The following CNTNAP4 variants were observed in gnomAD, a reference collection of about 807,000 sequenced individuals.
CNTNAP4 encodes contactin associated protein family member 4.
In CNTNAP4, 98 loss-of-function variants were observed where a neutral mutation model predicts 148.4. The observed-to-expected ratio is 0.66, with a 90% confidence interval of 0.56 to 0.78. The LOEUF is 0.78. Among genes scored for constraint, CNTNAP4 ranks in the 30% least tolerant of loss-of-function variants. The pLI is 0.00. For missense variants in CNTNAP4, 1,935 were observed against 1,565.6 expected (o/e 1.24, Z -3.98); for synonymous variants, 730 against 565.1 (o/e 1.29, Z -4.14).
intron 3 of CNTNAP4, among the ~76,000 whole-genome samples, chr16:76,367,762 C>T (rs1026199199): frequency 2.0e-5 from 3 of 152,158 alleles, no homozygotes; most frequent in African/African-American, 4.8e-5. Context: ...GAATAACTGT[C>T]ACTGGCTTAG....
chr16:76,300,474 C>T (rs1447633742), intron 1 of CNTNAP4, among the ~76,000 whole-genome samples: 2 of 152,012 alleles, frequency 1.3e-5, no homozygotes, highest in East Asian at 1.9e-4. Context: ...GGTGCACAAA[C>T]CACCATGGCA....
At chr16:76,452,411 T>A in intron 7 of CNTNAP4, 97 bp from the exon 8 acceptor site, 2 of 1,231,316 alleles carry the variant, frequency 1.6e-6, no homozygotes, top group East Asian at 4.7e-5. Context: ...TTGTTTTAAA[T>A]CGCGGATAAT....
intron 1 of CNTNAP4, among the ~76,000 whole-genome samples, chr16:76,280,457 C>T (rs575528763): frequency 7.9e-5 from 12 of 152,064 alleles, no homozygotes; most frequent in South Asian, 4.2e-4. Context: ...TTTGTATATA[C>T]GTATATGTGT....
chr16:76,424,285 A>G (rs2079298499), intron 3 of CNTNAP4, among the ~76,000 whole-genome samples: 1 of 152,094 alleles, frequency 6.6e-6, no homozygotes, highest in African/African-American at 2.4e-5. Flanking sequence ...AACAAATGTG[A>G]GATCTTTTGG....
At chr16:76,418,053 G>A (rs1413998281) in intron 3 of CNTNAP4, among the ~76,000 whole-genome samples, 1 of 151,120 alleles carries the variant, frequency 6.6e-6, no homozygotes, top group Non-Finnish European at 1.5e-5. Flanking sequence ...TTGGTTTACT[G>A]TAATTTGCAT....
chr16:76,313,319 C>T (rs982529654), intron 1 of CNTNAP4, among the ~76,000 whole-genome samples: 1 of 152,174 alleles, frequency 6.6e-6, no homozygotes, highest in African/African-American at 2.4e-5. Flanking sequence ...CTTTTCACCA[C>T]ACTTACACCT....
At chr16:76,378,912 T>A (rs542669487) in intron 3 of CNTNAP4, among the ~76,000 whole-genome samples, 25 of 152,238 alleles carry the variant, frequency 1.6e-4, no homozygotes, top group Non-Finnish European at 2.6e-4. Flanking sequence ...TGAAGAAACT[T>A]TATGTATCAG....
chr16:76,336,154 C>T (rs1274863469), intron 2 of CNTNAP4, among the ~76,000 whole-genome samples: 3 of 151,920 alleles, frequency 2.0e-5, no homozygotes, highest in Non-Finnish European at 4.4e-5. Context: ...TGATTTTCTA[C>T]ATGAGAAAGA....
At chr16:76,467,605 TC>T in intron 10 of CNTNAP4, 82 bp downstream of exon 10, 1 of 1,129,758 alleles carries the variant, frequency 8.9e-7, no homozygotes, top group South Asian at 1.6e-5. Context: ...GAACAATTAT[TC>T]TTTCCTCTTC....
intron 8 of CNTNAP4, among the ~76,000 whole-genome samples, chr16:76,461,377 A>G (rs943247961): frequency 5.9e-5 from 9 of 152,196 alleles, no homozygotes; most frequent in African/African-American, 2.2e-4. Context: ...TTTGAGAGTT[A>G]CAAGTAAGTT....
intron 17 of CNTNAP4, among the ~76,000 whole-genome samples, chr16:76,534,543 T>G (rs2084131971): frequency 1.3e-5 from 2 of 152,202 alleles, no homozygotes; most frequent in African/African-American, 2.4e-5. Context: ...GAGCATTAAC[T>G]TAAGAGTATT....
At chr16:76,410,442 G>A (rs1186369877) in intron 3 of CNTNAP4, among the ~76,000 whole-genome samples, 1 of 151,676 alleles carries the variant, frequency 6.6e-6, no homozygotes, top group Admixed American at 6.6e-5. Flanking sequence ...GGGTATGTGA[G>A]CCATTTACTG....
intron 2 of CNTNAP4, among the ~76,000 whole-genome samples, chr16:76,317,670 T>C (rs1273477230): frequency 6.6e-6 from 1 of 152,190 alleles, no homozygotes; most frequent in Admixed American, 6.5e-5. Context: ...TGCTTAATGC[T>C]TGAGCACACT....
intron 12 of CNTNAP4, among the ~76,000 whole-genome samples, chr16:76,480,241 A>G (rs1231359084): frequency 1.3e-5 from 2 of 152,194 alleles, no homozygotes; most frequent in African/African-American, 4.8e-5. Context: ...CAATTTACAG[A>G]TAAACTATTA....
At chr16:76,547,913 G>A (rs752813762) in intron 21 of CNTNAP4, among the ~76,000 whole-genome samples, 1 of 152,132 alleles carries the variant, frequency 6.6e-6, no homozygotes, top group Non-Finnish European at 1.5e-5. Flanking sequence ...AACCAGCTTC[G>A]AAGCCAAAGG....
chr16:76,486,718 C>T (rs913512649), intron 12 of CNTNAP4, among the ~76,000 whole-genome samples: 1 of 152,192 alleles, frequency 6.6e-6, no homozygotes, highest in African/African-American at 2.4e-5. Context: ...ACCTTCTCTC[C>T]TCTAAAGAAA....
rs776797989 is a variant in CNTNAP4, at chr16:76,448,072, C to A, written c.599C>A (p.Ser200Tyr). ...CTTCTCTACAGATTTGATCAAAAAT[C>A]CCTGAGCCCAATAAAAGACATTATT... ...SSLLYRFDQK[S>Y]LSPIKDIISL... The change falls in exon 5 of 24, where the codon TCC becomes TAC. Residue 200 changes from serine to tyrosine, a missense_variant. Transcript: ENST00000611870. 5.0e-6 allele frequency: 8 copies of A among 1,613,552 alleles called. No homozygotes were observed. Among genetic ancestry groups the A allele is most frequent in the Non-Finnish European group, 5.1e-6 (6 of 1,179,678 alleles).
chr16:76,362,004 A>G (rs2013496014), intron 3 of CNTNAP4, among the ~76,000 whole-genome samples: 1 of 151,764 alleles, frequency 6.6e-6, no homozygotes, highest in Non-Finnish European at 1.5e-5. Flanking sequence ...GCTTTTGCTC[A>G]TGTTAAAATC....
chr16:76,471,115 T>TAC (rs150698107), intron 10 of CNTNAP4, among the ~76,000 whole-genome samples: 2,615 of 150,962 alleles, frequency 0.017, 33 homozygotes, highest in Middle Eastern at 0.034. Context: ...AACACACACA[T>TAC]ACACACACAC....
Sources: gnomAD v4.1 joint callset for allele counts (sites outside exome capture counted in the v4.1 genomes callset) on GRCh38, gnomAD v4.1.1 for gene constraint, MANE v1.5 for transcripts, NCBI Gene and HGNC (gene_info 2026-07-23, HGNC 2026-07-21) for gene names.